Variants in SYN3 observed in about 807,000 individuals in gnomAD.
The protein encoded by SYN3 is synapsin III, also known as synapsin-3.
A neutral mutation model predicts 65.8 loss-of-function variants in SYN3; 35 were observed. The ratio of observed to expected loss-of-function variants is 0.53; its 90% confidence interval spans 0.41 to 0.70. The LOEUF is 0.70. SYN3 is among the 30% of genes least tolerant of loss of function. The pLI is 0.00. For synonymous variants in SYN3, 270 were observed against 292.9 expected (o/e 0.92, Z 0.80); for missense variants, 680 against 749.0 (o/e 0.91, Z 1.08).
intron 6 of SYN3, among the ~76,000 whole-genome samples, chr22:32,675,430 C>CTAT (rs2060426433): frequency 6.6e-6 from 1 of 152,126 alleles, no homozygotes; most frequent in African/African-American, 2.4e-5. Flanking sequence ...CAACCTAGGG[C>CTAT]TATTGTTCAG....
chr22:32,641,311 A>C (rs1295450393), intron 6 of SYN3, among the ~76,000 whole-genome samples: 1 of 152,068 alleles, frequency 6.6e-6, no homozygotes, highest in Non-Finnish European at 1.5e-5. Flanking sequence ...GCTAAACGTT[A>C]AGATGTGAGT....
chr22:32,671,693 G>A (rs1005542356), intron 6 of SYN3, among the ~76,000 whole-genome samples: 9 of 128,824 alleles, frequency 7.0e-5, no homozygotes, highest in Admixed American at 3.1e-4. Context: ...GTACACACAC[G>A]CTGTCACACA....
intron 6 of SYN3, among the ~76,000 whole-genome samples, chr22:32,671,350 A>C: frequency 6.6e-6 from 1 of 151,504 alleles, no homozygotes; most frequent in East Asian, 1.9e-4. Context: ...CCACACCCAC[A>C]CTCACTCTTA....
intron 6 of SYN3, among the ~76,000 whole-genome samples, chr22:32,735,227 T>C (rs1250861452): frequency 6.6e-6 from 1 of 152,218 alleles, no homozygotes; most frequent in African/African-American, 2.4e-5. Flanking sequence ...ATATCTGCAT[T>C]TCTAGCTGTG....
chr22:32,840,100 A>G (rs1248649447), intron 6 of SYN3, among the ~76,000 whole-genome samples: 2 of 152,040 alleles, frequency 1.3e-5, no homozygotes. Flanking sequence ...CTGGGCAGGG[A>G]GGTTTTCATA....
chr22:32,815,047 T>C lies in SYN3; in HGVS notation c.711+49868A>G, dbSNP rs559855504. Among the ~76,000 whole-genome samples the C allele has an allele frequency of 6.3e-4, 96 of 152,382 alleles. 1 individual carries two copies. Among genetic ancestry groups the C allele is most frequent in the African/African-American group, 2.3e-3 (94 of 41,592 alleles). On this transcript the variant is annotated intron_variant, in intron 6 of 13. Transcript: ENST00000358763. ...CATTATGTATTTTACACTCATAGCA[T>C]ATCTCAGTTTGGACTAGTTGCGTTT...
At chr22:32,695,324 T>C (rs148118099) in intron 6 of SYN3, among the ~76,000 whole-genome samples, 1 of 152,388 alleles carries the variant, frequency 6.6e-6, no homozygotes, top group East Asian at 1.9e-4. Flanking sequence ...TTCTCCTCTG[T>C]AATGGCTTTC....
chr22:32,911,697 A>G (rs530311124), intron 4 of SYN3, among the ~76,000 whole-genome samples: 4 of 152,286 alleles, frequency 2.6e-5, no homozygotes, highest in African/African-American at 7.2e-5. Flanking sequence ...ACGGGAGCCA[A>G]ACCATCATGT....
intron 6 of SYN3, among the ~76,000 whole-genome samples, chr22:32,810,151 C>CT (rs1192261268): frequency 1.3e-5 from 2 of 152,174 alleles, no homozygotes; most frequent in Non-Finnish European, 2.9e-5. Flanking sequence ...CCACAGGTGT[C>CT]TATGTGGGCT....
chr22:32,633,769 G>A (rs1391121893), intron 6 of SYN3, among the ~76,000 whole-genome samples: 1 of 150,882 alleles, frequency 6.6e-6, no homozygotes, highest in Non-Finnish European at 1.5e-5. Flanking sequence ...GACCACAGGT[G>A]CGTTTTTCTC....
intron 4 of SYN3, among the ~76,000 whole-genome samples, chr22:32,870,587 G>GT (rs2048822554): frequency 6.6e-6 from 1 of 152,084 alleles, no homozygotes. Flanking sequence ...TAAGCTTTTT[G>GT]TAAGATACCC....
intron 6 of SYN3, 162 bp downstream of exon 6, chr22:32,864,753 G>A: frequency 1.6e-6 from 1 of 627,074 alleles, no homozygotes; most frequent in Non-Finnish European, 2.8e-6. Context: ...CTTCCCTTAG[G>A]AAATCCAGGC....
chr22:32,805,694 C>T (rs2046714916), intron 6 of SYN3, among the ~76,000 whole-genome samples: 1 of 147,550 alleles, frequency 6.8e-6, no homozygotes, highest in South Asian at 2.2e-4. Flanking sequence ...AACACTGAGG[C>T]TGAAGAGACT....
chr22:32,697,359 T>C (rs1284428815), intron 6 of SYN3, among the ~76,000 whole-genome samples: 1 of 152,216 alleles, frequency 6.6e-6, no homozygotes, highest in East Asian at 1.9e-4. Context: ...TTGGACACAT[T>C]ATGTAAGCAA....
At position 32,986,567 on chromosome 22, in the gene SYN3, T is replaced by A. The variant is rs947662460; in HGVS notation, c.312-5865A>T. ...TCCTTGCCGGGGGCTCATTCAGGCT[T>A]CAGCCGCCTCTGAACGGTTCTGTCT... On this transcript the variant is annotated intron_variant, in intron 2 of 13. Coordinates refer to ENST00000358763, the MANE Select transcript of SYN3 (RefSeq NM_003490.4). Among the ~76,000 whole-genome samples the A allele has an allele frequency of 2.0e-5, 3 of 152,284 alleles. No homozygotes were observed. The South Asian group carries it at 6.2e-4, about 32-fold the overall frequency.
intron 6 of SYN3, among the ~76,000 whole-genome samples, chr22:32,774,207 C>T (rs2145791472): frequency 6.6e-6 from 1 of 152,278 alleles, no homozygotes; most frequent in South Asian, 2.1e-4. Context: ...CTCAATCCCT[C>T]ACCCTTGGTC....
At chr22:32,902,001 T>A (rs1367532239) in intron 4 of SYN3, among the ~76,000 whole-genome samples, 1 of 152,166 alleles carries the variant, frequency 6.6e-6, no homozygotes, top group Admixed American at 6.5e-5. Context: ...TTCCAAGGTC[T>A]CAAAGATTTC....
intron 7 of SYN3, among the ~76,000 whole-genome samples, chr22:32,565,546 C>T (rs1257260939): frequency 6.7e-6 from 1 of 149,964 alleles, no homozygotes; most frequent in Non-Finnish European, 1.5e-5. Context: ...GAGACCGAAT[C>T]ATGCCCTGTG....
At chr22:32,672,889 G>A (rs1363130320) in intron 6 of SYN3, among the ~76,000 whole-genome samples, 2 of 152,142 alleles carry the variant, frequency 1.3e-5, no homozygotes, top group Non-Finnish European at 2.9e-5. Flanking sequence ...GTGGATAGTC[G>A]CCTCCCATTG....
Sources: gnomAD v4.1 joint callset for allele counts (sites outside exome capture counted in the v4.1 genomes callset) on GRCh38, gnomAD v4.1.1 for gene constraint, MANE v1.5 for transcripts, NCBI Gene and HGNC (gene_info 2026-07-23, HGNC 2026-07-21) for gene names.